The following BAZ2B variants were observed in gnomAD, a reference collection of about 807,000 sequenced individuals.
The protein encoded by BAZ2B is bromodomain adjacent to zinc finger domain protein 2B.
BAZ2B carries 91 observed loss-of-function variants against 246.0 expected under a neutral mutation model. The ratio of observed to expected loss-of-function variants is 0.37; its 90% CI spans 0.31 to 0.44. The LOEUF (loss-of-function observed/expected upper bound fraction) is 0.44. Among genes scored for constraint, BAZ2B ranks in the 20% least tolerant of loss-of-function variants. The pLI is 1.00. For missense variants in BAZ2B, 2,332 were observed against 2,533.7 expected, an observed-to-expected ratio of 0.92 and a Z score of 1.71; for synonymous variants, 855 against 860.0, an observed-to-expected ratio of 0.99 and a Z score of 0.10.
intron 2 of BAZ2B, among the ~76,000 whole-genome samples, chr2:159,548,844 G>C (rs2087729077): frequency 6.6e-6 from 1 of 151,912 alleles, no homozygotes; most frequent in East Asian, 1.9e-4. Context: ...AAAATTTAAT[G>C]GAAAAGCAAT....
chr2:159,446,777 C>T lies in BAZ2B; in HGVS notation c.696+5G>A, dbSNP rs774868646. 2 of 1,598,838 alleles carry T rather than the reference C, an allele frequency of 1.3e-6. No homozygotes were observed. The highest frequency in any genetic ancestry group is 2.3e-5 in the South Asian group (2 of 87,630). On this transcript the variant is annotated splice_donor_5th_base_variant and intron_variant, in intron 6 of 36. Coordinates refer to ENST00000392783, the MANE Select transcript of BAZ2B (RefSeq NM_013450.4). ...TATATATTAGTCCTTCCAAGTACAA[C>T]TTACCTTATCTTTGATTTTGTCAAC...
At chr2:159,544,221 ATTTC>A (rs1453531984) in intron 2 of BAZ2B, among the ~76,000 whole-genome samples, 1 of 152,056 alleles carries the variant, frequency 6.6e-6, no homozygotes, top group Admixed American at 6.5e-5. Context: ...CAAGTACATA[ATTTC>A]TTTCTTATGT....
In BAZ2B at chr2:159,352,007, C is replaced by T. The variant is rs79829187; in HGVS notation, c.4214-1650G>A. On this transcript the variant is annotated intron_variant, in intron 27 of 36. Transcript: ENST00000392783. ...CTATGACTACCATTTTGCATTATTA[C>T]ATAAATGGAATACTACTATTCACTT... Among the ~76,000 whole-genome samples, 1,305 of 152,276 alleles carry T rather than the reference C, an allele frequency of 8.6e-3. 33 individuals carry two copies. The highest frequency in any genetic ancestry group is 0.069 in the East Asian group (359 of 5,192).
chr2:159,324,048 C>T (rs2063097558), intron 36 of BAZ2B, among the ~76,000 whole-genome samples: 1 of 152,088 alleles, frequency 6.6e-6, no homozygotes, highest in Admixed American at 6.6e-5. Flanking sequence ...GTGAGGGATG[C>T]TGATCATTAT....
At chr2:159,594,600 C>T (rs76863562) in intron 1 of BAZ2B, among the ~76,000 whole-genome samples, 3,295 of 151,640 alleles carry the variant, frequency 0.022, 125 homozygotes, top group African/African-American at 0.075. Context: ...GATAAATTCT[C>T]ATGTTCAAGT....
chr2:159,465,995 A>G (rs910053470), intron 3 of BAZ2B, among the ~76,000 whole-genome samples: 2 of 152,232 alleles, frequency 1.3e-5, no homozygotes, highest in African/African-American at 4.8e-5. Context: ...AGAGAAAATC[A>G]TGCTGTAATA....
chr2:159,462,621 C>T (rs1351614980), intron 3 of BAZ2B: 5 of 910,378 alleles, frequency 5.5e-6, no homozygotes, highest in Non-Finnish European at 9.3e-6. Context: ...GAATCCTGTA[C>T]ATCTTTATGA....
At chr2:159,500,387 T>G (rs1201981995) in intron 2 of BAZ2B, among the ~76,000 whole-genome samples, 1 of 152,228 alleles carries the variant, frequency 6.6e-6, no homozygotes, top group Non-Finnish European at 1.5e-5. Context: ...GTGTTTGTTC[T>G]TATACCTGCA....
At chr2:159,543,848 A>C (rs1205936060) in intron 2 of BAZ2B, among the ~76,000 whole-genome samples, 2 of 152,198 alleles carry the variant, frequency 1.3e-5, no homozygotes, top group African/African-American at 4.8e-5. Context: ...ATTCTTTCAT[A>C]TCAAACACTC....
chr2:159,662,396 T>C, the BAZ2B span, among the ~76,000 whole-genome samples: 69,503 of 152,076 alleles, frequency 0.46, 16,743 homozygotes, highest in Middle Eastern at 0.64. Context: ...TATGTTTAGC[T>C]TTTTCATGTA....
chr2:159,428,236 G>A, intron 12 of BAZ2B, 75 bp downstream of exon 12: 2 of 1,297,480 alleles, frequency 1.5e-6, no homozygotes, highest in East Asian at 2.3e-5. Context: ...ATCTGAGAAA[G>A]GAGTACACTT....
intron 8 of BAZ2B, among the ~76,000 whole-genome samples, chr2:159,435,824 C>A (rs1216025863): frequency 6.6e-6 from 1 of 152,138 alleles, no homozygotes; most frequent in African/African-American, 2.4e-5. Context: ...AGCAGCAGTA[C>A]TAACAAGCAG....
At chr2:159,604,063 AG>A (rs1692812806) in intron 1 of BAZ2B, among the ~76,000 whole-genome samples, 1 of 120,738 alleles carries the variant, frequency 8.3e-6, no homozygotes, top group Admixed American at 9.7e-5. Context: ...TTTATAGTGA[AG>A]AAATACATTT....
the BAZ2B span, among the ~76,000 whole-genome samples, chr2:159,647,505 T>C: frequency 6.6e-6 from 1 of 152,204 alleles, no homozygotes; most frequent in African/African-American, 2.4e-5. Context: ...GTACATTTCA[T>C]ATAAAAACAC....
the BAZ2B span, among the ~76,000 whole-genome samples, chr2:159,640,080 T>G: frequency 6.6e-6 from 1 of 152,098 alleles, no homozygotes; most frequent in South Asian, 2.1e-4. Context: ...AAAATAGATT[T>G]CAAAACAAAA....
At chr2:159,606,803 C>T (rs981742820) in intron 1 of BAZ2B, among the ~76,000 whole-genome samples, 4 of 151,934 alleles carry the variant, frequency 2.6e-5, no homozygotes, top group Non-Finnish European at 5.9e-5. Context: ...TAGGAAAAGA[C>T]TAACTACTAA....
chr2:159,347,178 C>T (rs1459943762), intron 31 of BAZ2B, among the ~76,000 whole-genome samples: 1 of 152,076 alleles, frequency 6.6e-6, no homozygotes, highest in Admixed American at 6.6e-5. Flanking sequence ...TAGTAAAGAA[C>T]TGCGCATCGG....
chr2:159,320,479 T>C, intron 36 of BAZ2B, 61 bp from the exon 37 acceptor site: 3 of 1,399,816 alleles, frequency 2.1e-6, no homozygotes, highest in East Asian at 2.6e-5. Flanking sequence ...TGTAAACAAA[T>C]GAAGAGTTAA....
chr2:159,623,023 AAAG>A, the BAZ2B span, among the ~76,000 whole-genome samples: 331 of 120,920 alleles, frequency 2.7e-3, no homozygotes, highest in Non-Finnish European at 4.4e-3. Flanking sequence ...AAAGGAAAGA[AAAG>A]AAGAAAGAAA....
Sources: allele counts gnomAD v4.1 joint callset (sites outside exome capture counted in the v4.1 genomes callset), GRCh38; gene constraint gnomAD v4.1.1; transcripts MANE v1.5; gene names NCBI Gene and HGNC (gene_info 2026-07-23, HGNC 2026-07-21).